The following USP25 variants were observed in gnomAD, a reference collection of about 807,000 sequenced individuals.
The protein encoded by USP25 is ubiquitin specific peptidase 25.
USP25 carries 85 observed loss-of-function variants against 158.5 expected under a neutral mutation model. The ratio of observed to expected loss-of-function variants is 0.54; its 90% CI spans 0.45 to 0.64. The LOEUF is 0.64. Among genes scored for constraint, USP25 ranks in the 30% least tolerant of loss-of-function variants. The pLI, the probability that USP25 is intolerant of heterozygous loss-of-function variation, is 0.00. For missense variants in USP25, 1,242 were observed against 1,327.3 expected (o/e 0.94, Z 1.00); for synonymous variants, 464 against 460.4 (o/e 1.01, Z -0.10).
rs60616271 is a variant in USP25, at chr21:15,740,641, G to GTTT, written c.45+10234_45+10236dup. 5.4e-3 allele frequency among the ~76,000 whole-genome samples: 224 copies of GTTT among 41,214 alleles called. 5 individuals are homozygous for GTTT. The highest frequency in any genetic ancestry group is 9.0e-3 in the Non-Finnish European group (121 of 13,454). 27.0% of individuals were successfully genotyped at this position (41,214 alleles called of 152,430 possible). On this transcript the variant is annotated intron_variant, in intron 1 of 25. Transcript: ENST00000400183. ...GTAATCTTCCTGTTTCTTTCTGGCT[G>GTTT]TTTTTTTTTTTTTTTTTTTTTTTTT... is the stretch of plus-strand genomic sequence containing the variant.
intron 4 of USP25, among the ~76,000 whole-genome samples, chr21:15,779,826 A>G (rs1374137837): frequency 6.6e-6 from 1 of 152,194 alleles, no homozygotes; most frequent in South Asian, 2.1e-4. Context: ...ATAATGTAAC[A>G]TGCCATAAAG....
At chr21:15,842,966 C>A (rs1463042746) in intron 18 of USP25, among the ~76,000 whole-genome samples, 4 of 151,958 alleles carry the variant, frequency 2.6e-5, no homozygotes, top group Non-Finnish European at 4.4e-5. Flanking sequence ...CTACTAGATA[C>A]TGTAGATTAG....
intron 20 of USP25, among the ~76,000 whole-genome samples, chr21:15,856,521 G>T (rs1660877469): frequency 6.6e-6 from 1 of 151,844 alleles, no homozygotes; most frequent in Admixed American, 6.6e-5. Context: ...GCCCAGGCTG[G>T]AGTGCAGTGG....
chr21:15,832,760 T>G (rs1161125371), intron 16 of USP25, among the ~76,000 whole-genome samples: 2 of 151,976 alleles, frequency 1.3e-5, no homozygotes, highest in Non-Finnish European at 2.9e-5. Flanking sequence ...GGCTTATGCC[T>G]GTAATCCCAG....
chr21:15,778,894 T>C (rs1338525134), intron 4 of USP25, among the ~76,000 whole-genome samples: 1 of 152,156 alleles, frequency 6.6e-6, no homozygotes, highest in African/African-American at 2.4e-5. Flanking sequence ...ATCTTAAGAC[T>C]TAAATGTTCT....
intron 9 of USP25, among the ~76,000 whole-genome samples, chr21:15,817,380 C>T (rs1452202412): frequency 6.6e-6 from 1 of 151,946 alleles, no homozygotes; most frequent in East Asian, 1.9e-4. Flanking sequence ...TCCATGCTAC[C>T]TTTATTTCTG....
At chr21:15,870,731 G>A (rs1419926417) in intron 23 of USP25, among the ~76,000 whole-genome samples, 1 of 152,082 alleles carries the variant, frequency 6.6e-6, no homozygotes. Flanking sequence ...CCTAGTGATT[G>A]TTTTTTGAGA....
At chr21:15,780,950 A>G (rs1335247923) in intron 4 of USP25, among the ~76,000 whole-genome samples, 1 of 152,232 alleles carries the variant, frequency 6.6e-6, no homozygotes, top group Non-Finnish European at 1.5e-5. Flanking sequence ...GGGCCATCGA[A>G]TAACCATCAA....
intron 17 of USP25, among the ~76,000 whole-genome samples, chr21:15,841,035 G>A (rs1250477913): frequency 2.0e-5 from 3 of 152,130 alleles, no homozygotes; most frequent in Non-Finnish European, 4.4e-5. Context: ...AAAGGCTATT[G>A]CAGTCCAAAA....
chr21:15,854,498 T>G (rs2039043232), intron 20 of USP25, among the ~76,000 whole-genome samples: 1 of 152,100 alleles, frequency 6.6e-6, no homozygotes, highest in Admixed American at 6.6e-5. Context: ...TGAAAAAATC[T>G]TGGTCGGGTC....
At chr21:15,864,600 C>A (rs185452500) in intron 21 of USP25, among the ~76,000 whole-genome samples, 154 bp downstream of exon 21, 1 of 151,924 alleles carries the variant, frequency 6.6e-6, no homozygotes, top group Non-Finnish European at 1.5e-5. Flanking sequence ...TGACTAGTTG[C>A]TGGAGTCTGT....
Position 15,826,402 on chromosome 21 carries a change from C to G in USP25, c.1466+37C>G. 1 of 1,603,606 alleles carries G rather than the reference C, an allele frequency of 6.2e-7. No homozygotes were observed. The highest frequency in any genetic ancestry group is 8.5e-7 in the Non-Finnish European group (1 of 1,172,866). On this transcript the variant is annotated intron_variant, in intron 13 of 25. Coordinates refer to ENST00000400183, the MANE Select transcript of USP25 (RefSeq NM_001283041.3). This position sits in a 1 kb window ranked among gnomAD's most constrained non-coding sequence, Gnocchi z 4.8. ...TCCTGATGCAAGAGACAGTTGTTAC[C>G]TTTATTACACAATAATGTAACTGCT...
At chr21:15,764,147 A>G (rs1317112074) in intron 2 of USP25, among the ~76,000 whole-genome samples, 1 of 152,094 alleles carries the variant, frequency 6.6e-6, no homozygotes, top group Non-Finnish European at 1.5e-5. Context: ...GAAGTGCTAT[A>G]CCTCAATTTT....
intron 24 of USP25, among the ~76,000 whole-genome samples, chr21:15,874,971 C>T (rs1271305034): frequency 2.6e-5 from 4 of 152,104 alleles, no homozygotes; most frequent in Admixed American, 2.6e-4. Context: ...TCGAGACCAT[C>T]CTGGCCAACG....
At chr21:15,798,293 C>T (rs2035960694) in intron 5 of USP25, among the ~76,000 whole-genome samples, 1 of 151,214 alleles carries the variant, frequency 6.6e-6, no homozygotes, top group Non-Finnish European at 1.5e-5. Context: ...AACTTTGTAT[C>T]TTTATTGAGA....
At chr21:15,850,159 G>C (rs1052063094) in intron 20 of USP25, among the ~76,000 whole-genome samples, 1 of 151,940 alleles carries the variant, frequency 6.6e-6, no homozygotes, top group Non-Finnish European at 1.5e-5. Context: ...TTTATTTGAA[G>C]GGAATGAGGA....
At chr21:15,733,974 A>C (rs897892331) in intron 1 of USP25, among the ~76,000 whole-genome samples, 10 of 152,236 alleles carry the variant, frequency 6.6e-5, no homozygotes, top group African/African-American at 2.4e-5. Context: ...ACCTTGGGCA[A>C]GTCATTAAGT....
Position 15,842,506 on chromosome 21 carries a change from A to G in USP25, c.2303A>G (p.His768Arg), listed in dbSNP as rs752319574. Residue 768 changes from histidine to arginine, a missense_variant, in exon 18 of 26, where the codon CAT becomes CGT. This residue lies in a region of USP25 where 608 missense variants were observed against 605.2 expected (regional missense o/e 1.00). Transcript: ENST00000400183. ...ATAATTACCAAGGCATCACATGAGC[A>G]TGAAGATAAAAGTCCTGAAACAGTT... ...IQIITKASHE[H>R]EDKSPETVLQ... The G allele has an allele frequency of 1.9e-6, 3 of 1,613,740 alleles. No homozygotes were observed. The highest frequency in any genetic ancestry group is 2.2e-5 in the South Asian group (2 of 91,068).
chr21:15,824,257 G>T (rs1021706783), intron 11 of USP25, 91 bp downstream of exon 11: 18 of 1,484,498 alleles, frequency 1.2e-5, no homozygotes, highest in Non-Finnish European at 1.5e-5. Flanking sequence ...AATTTTCTTA[G>T]AATTAATTTC....
Sources: gnomAD v4.1 joint callset for allele counts (sites outside exome capture counted in the v4.1 genomes callset) on GRCh38, gnomAD v4.1.1 for gene constraint, gnomAD v4.1.1 regional missense constraint, Gnocchi (gnomAD v3.1) non-coding constraint, MANE v1.5 for transcripts, NCBI Gene and HGNC (gene_info 2026-07-23, HGNC 2026-07-21) for gene names.